Variants in KLF12 observed in about 807,000 individuals in gnomAD.
KLF12 encodes the protein KLF transcription factor 12, also known as Krueppel-like factor 12.
A neutral mutation model predicts 37.8 loss-of-function variants in KLF12; 9 were observed. That is an observed-to-expected ratio of 0.24 (90% CI 0.14 to 0.42). KLF12 has a LOEUF of 0.42. Among genes scored for constraint, KLF12 ranks in the 10% least tolerant of loss-of-function variants. KLF12 has a pLI of 1.00. For synonymous variants in KLF12, 208 were observed against 202.1 expected (o/e 1.03, Z -0.25); for missense variants, 411 against 516.0 (o/e 0.80, Z 1.97).
chr13:73,763,769 T>C (rs112408923), intron 6 of KLF12, among the ~76,000 whole-genome samples: 5 of 152,130 alleles, frequency 3.3e-5, no homozygotes, highest in African/African-American at 9.7e-5. Flanking sequence ...GATCATCATA[T>C]TATTACTCCC....
chr13:73,957,824 A>C (rs1434958885), intron 2 of KLF12, among the ~76,000 whole-genome samples: 1 of 152,220 alleles, frequency 6.6e-6, no homozygotes, highest in Admixed American at 6.5e-5. Flanking sequence ...TATGTAAATA[A>C]ATTGCTAAAG....
chr13:73,944,073 G>C lies in KLF12; in HGVS notation c.34-3C>G. On this transcript the variant is annotated splice_polypyrimidine_tract_variant and splice_region_variant and intron_variant, in intron 2 of 7. Transcript: ENST00000377669. ...CTGTTCTCAAAGGTGTTGATATTCT[G>C]AGAATAGAAGGGAGAGAGAAAGATT... 1 of 1,578,086 alleles carries C rather than the reference G, an allele frequency of 6.3e-7. No homozygotes were observed. Among genetic ancestry groups the C allele is most frequent in the Non-Finnish European group, 8.7e-7 (1 of 1,149,834 alleles).
intron 5 of KLF12, chr13:73,812,872 A>ATTTT: frequency 8.2e-6 from 2 of 244,272 alleles, no homozygotes; most frequent in East Asian, 7.4e-5. Context: ...AAAAATAACA[A>ATTTT]TTTTTTTTTT....
intron 2 of KLF12, among the ~76,000 whole-genome samples, chr13:73,987,765 A>T (rs1891863483): frequency 8.0e-6 from 1 of 125,174 alleles, no homozygotes; most frequent in Middle Eastern, 3.9e-3. Flanking sequence ...GAAGAGAGGA[A>T]ATTGGAGAGG....
intron 5 of KLF12, among the ~76,000 whole-genome samples, chr13:73,790,970 T>C (rs2138266976): frequency 6.6e-6 from 1 of 152,182 alleles, no homozygotes; most frequent in East Asian, 1.9e-4. Flanking sequence ...TGGATGAAAA[T>C]TTTTCTAGTC....
At chr13:73,718,471 C>T in intron 6 of KLF12, among the ~76,000 whole-genome samples, 1 of 152,154 alleles carries the variant, frequency 6.6e-6, no homozygotes, top group Non-Finnish European at 1.5e-5. Flanking sequence ...TACAGTGAAA[C>T]GTGGGCCAGG....
the KLF12 span, among the ~76,000 whole-genome samples, chr13:74,305,234 G>C: frequency 3.4e-4 from 51 of 152,120 alleles, no homozygotes; most frequent in Middle Eastern, 3.4e-3. Context: ...GGATACCATA[G>C]AGAAAAAGTA....
chr13:73,816,072 C>T (rs1157243339), intron 4 of KLF12, among the ~76,000 whole-genome samples: 1 of 152,190 alleles, frequency 6.6e-6, no homozygotes. Flanking sequence ...TTTACCCATA[C>T]CTTCAGCCAA....
the KLF12 span, among the ~76,000 whole-genome samples, chr13:74,243,200 G>A: frequency 6.6e-6 from 1 of 152,156 alleles, no homozygotes; most frequent in Non-Finnish European, 1.5e-5. Flanking sequence ...GTGAGAACAT[G>A]CGGTGTTTGG....
At chr13:74,239,934 T>C in the KLF12 span, among the ~76,000 whole-genome samples, 2 of 151,214 alleles carry the variant, frequency 1.3e-5, no homozygotes, top group Non-Finnish European at 2.9e-5. Context: ...GAGCATTTAG[T>C]CCATTTACAT....
chr13:73,758,192 C>T (rs1879307163), intron 6 of KLF12, among the ~76,000 whole-genome samples: 1 of 152,056 alleles, frequency 6.6e-6, no homozygotes, highest in Admixed American at 6.6e-5. Flanking sequence ...CGGTCTACTG[C>T]ACCCAGCTAT....
chr13:74,271,305 A>G, the KLF12 span, among the ~76,000 whole-genome samples: 1 of 152,208 alleles, frequency 6.6e-6, no homozygotes, highest in Non-Finnish European at 1.5e-5. Context: ...CAATCAACAT[A>G]AAGCTTAAGG....
chr13:73,770,673 C>T (rs573424082), intron 5 of KLF12, among the ~76,000 whole-genome samples: 1 of 152,114 alleles, frequency 6.6e-6, no homozygotes, highest in Middle Eastern at 3.4e-3. Flanking sequence ...CAGGCATGCG[C>T]CACCTGTAAT....
At chr13:74,074,145 C>CGA (rs150269885) in intron 1 of KLF12, among the ~76,000 whole-genome samples, 78 of 151,398 alleles carry the variant, frequency 5.2e-4, no homozygotes, top group African/African-American at 1.5e-3. Flanking sequence ...TTTTCTCATT[C>CGA]GAGAGAGAGA....
intron 5 of KLF12, among the ~76,000 whole-genome samples, chr13:73,783,843 A>C (rs1364921479): frequency 6.6e-6 from 1 of 152,090 alleles, no homozygotes; most frequent in Non-Finnish European, 1.5e-5. Context: ...CTTTAACATG[A>C]CTGTAATGAC....
intron 3 of KLF12, among the ~76,000 whole-genome samples, chr13:73,921,445 T>C (rs1050505164): frequency 4.6e-5 from 7 of 152,176 alleles, no homozygotes; most frequent in African/African-American, 1.7e-4. Flanking sequence ...TGTATTAATA[T>C]TTTTTCTTGT....
At chr13:74,295,382 C>T in the KLF12 span, among the ~76,000 whole-genome samples, 2 of 152,192 alleles carry the variant, frequency 1.3e-5, no homozygotes, top group Non-Finnish European at 2.9e-5. Flanking sequence ...TGTGGAAATA[C>T]TCTTCCTTCT....
intron 6 of KLF12, among the ~76,000 whole-genome samples, chr13:73,749,612 C>T (rs1198985248): frequency 6.6e-6 from 1 of 152,102 alleles, no homozygotes; most frequent in African/African-American, 2.4e-5. Flanking sequence ...TGAAGAACTG[C>T]TAGGCAGAGC....
chr13:74,099,066 G>A (rs1227203887), intron 1 of KLF12, among the ~76,000 whole-genome samples: 1 of 152,042 alleles, frequency 6.6e-6, no homozygotes, highest in Non-Finnish European at 1.5e-5. Context: ...AATCACTTTG[G>A]ACCAGGTGGG....
Sources: allele counts gnomAD v4.1 joint callset (sites outside exome capture counted in the v4.1 genomes callset), GRCh38; gene constraint gnomAD v4.1.1; transcripts MANE v1.5; gene names NCBI Gene and HGNC (gene_info 2026-07-23, HGNC 2026-07-21).